Variants in SPARC observed in about 807,000 individuals in gnomAD.
SPARC encodes basement-membrane protein 40.
A neutral mutation model predicts 37.7 loss-of-function variants in SPARC; 23 were observed. The ratio of observed to expected loss-of-function variants is 0.61; its 90% CI spans 0.44 to 0.87. SPARC has a LOEUF of 0.87. Ranked by LOEUF, SPARC falls within the 40% of genes least tolerant of loss-of-function variation. The probability of loss-of-function intolerance (pLI) is 0.00; values close to 1 mark genes in which losing one functional copy is unlikely to be tolerated. For synonymous variants in SPARC, 155 were observed against 150.8 expected (o/e 1.03, Z -0.20); for missense variants, 312 against 389.0 (o/e 0.80, Z 1.66).
At chr5:151,672,928 A>C in intron 4 of SPARC, 1 of 577,536 alleles carries the variant, frequency 1.7e-6, no homozygotes, top group South Asian at 2.0e-5. Context: ...GATGGCCTGG[A>C]AACCGATCTT....
chr5:151,664,887 C>T (rs1300433449), intron 8 of SPARC, among the ~76,000 whole-genome samples: 1 of 152,120 alleles, frequency 6.6e-6, no homozygotes, highest in African/African-American at 2.4e-5. Context: ...CCCTATTCTC[C>T]CTGCTGGCCT....
chr5:151,685,392 CCTCTCT>C (rs5872225), intron 1 of SPARC, among the ~76,000 whole-genome samples: 5 of 141,178 alleles, frequency 3.5e-5, no homozygotes, highest in Non-Finnish European at 7.6e-5. Context: ...CCATATTCAT[CCTCTCT>C]CTCTCTCTCT....
chr5:151,666,802 A>G (rs1179115985), intron 7 of SPARC, among the ~76,000 whole-genome samples: 1 of 152,242 alleles, frequency 6.6e-6, no homozygotes, highest in Non-Finnish European at 1.5e-5. Context: ...AGGCAGGCAG[A>G]TCACCTGAGG....
chr5:151,672,954 G>T, intron 4 of SPARC, 175 bp downstream of exon 4: 1 of 619,142 alleles, frequency 1.6e-6, no homozygotes, highest in Non-Finnish European at 2.9e-6. Flanking sequence ...GATCCCAGGG[G>T]ACTGAGTGCC....
chr5:151,676,249 T>G, intron 1 of SPARC, 48 bp from the exon 2 acceptor site: 1 of 1,330,652 alleles, frequency 7.5e-7, no homozygotes, highest in Non-Finnish European at 1.1e-6. Context: ...GACTTCCTTA[T>G]GGAGATTTCC....
intron 9 of SPARC, 35 bp from the exon 10 acceptor site, chr5:151,663,634 G>C: frequency 6.2e-7 from 1 of 1,612,214 alleles, no homozygotes; most frequent in Admixed American, 1.7e-5. Context: ...TTAAAAATAA[G>C]GCTGTGTCGA....
chr5:151,665,097 T>A (rs1362784751), intron 8 of SPARC, among the ~76,000 whole-genome samples: 1 of 152,118 alleles, frequency 6.6e-6, no homozygotes, highest in Non-Finnish European at 1.5e-5. Context: ...CTCCCCTTCA[T>A]TGTACTGGTG....
chr5:151,665,214 C>G (rs1208735226), intron 8 of SPARC, among the ~76,000 whole-genome samples: 1 of 152,200 alleles, frequency 6.6e-6, no homozygotes, highest in African/African-American at 2.4e-5. Flanking sequence ...ACCCCTTTCC[C>G]AGATGTGCTG....
Position 151,676,017 on chromosome 5 carries a change from T to G in SPARC, c.57+115A>C. ...TAACTTAAGAAAAAAAAAAGACCAC[T>G]AACTTGAAATGGGGAAGTCCCTGTT... On this transcript the variant is annotated intron_variant, in intron 2 of 9. Coordinates refer to ENST00000231061, the MANE Select transcript of SPARC (RefSeq NM_003118.4). The G allele has an allele frequency of 5.2e-6, 4 of 776,152 alleles. No individual in the cohort carries two copies. In the South Asian group the frequency reaches 5.3e-5, roughly 10 times the overall value. 48.1% of individuals were successfully genotyped at this position (776,152 alleles called of 1,614,324 possible). A position where few individuals can be genotyped will look rare whatever the true frequency, so the allele number is the denominator to read the frequency against.
intron 1 of SPARC, among the ~76,000 whole-genome samples, chr5:151,678,777 G>C (rs906360054): frequency 2.6e-5 from 4 of 152,174 alleles, no homozygotes; most frequent in Non-Finnish European, 4.4e-5. Flanking sequence ...CACCTTAAAA[G>C]TTTTGGAAGA....
chr5:151,685,422 T>TCTCTCACACA (rs1216324359), intron 1 of SPARC, among the ~76,000 whole-genome samples: 2 of 140,432 alleles, frequency 1.4e-5, no homozygotes, highest in African/African-American at 5.4e-5. Flanking sequence ...CCTCTCTCTC[T>TCTCTCACACA]CACACACACA....
At position 151,667,606 on chromosome 5, in the gene SPARC, T is replaced by C; in HGVS notation, c.452-6A>G. On this transcript the variant is annotated splice_polypyrimidine_tract_variant and splice_region_variant and intron_variant, in intron 6 of 9. Coordinates refer to ENST00000231061, the MANE Select transcript of SPARC (RefSeq NM_003118.4). Reference sequence around the variant, plus strand: ...GTCCAGGCAAGGGGGGATGTCTAGGTTCCAAACACAAGGGCGGTCAGCACA... The same window carrying C: ...GTCCAGGCAAGGGGGGATGTCTAGGCTCCAAACACAAGGGCGGTCAGCACA... 6.2e-7 allele frequency: 1 copy of C among 1,613,778 alleles called. No homozygotes were observed. The highest frequency in any genetic ancestry group is 8.5e-7 in the Non-Finnish European group (1 of 1,179,900).
intron 1 of SPARC, among the ~76,000 whole-genome samples, chr5:151,684,222 C>T (rs921060901): frequency 1.5e-4 from 23 of 152,032 alleles, no homozygotes; most frequent in Non-Finnish European, 2.8e-4. Context: ...TGCAGTAAGG[C>T]GGTGTTAAAA....
At chr5:151,670,156 G>C (rs1217332207) in intron 5 of SPARC, among the ~76,000 whole-genome samples, 1 of 152,234 alleles carries the variant, frequency 6.6e-6, no homozygotes, top group African/African-American at 2.4e-5. Context: ...CTTAGAAAAG[G>C]CCTGCTTGTA....
At chr5:151,665,034 C>T (rs1760591774) in intron 8 of SPARC, among the ~76,000 whole-genome samples, 1 of 152,202 alleles carries the variant, frequency 6.6e-6, no homozygotes, top group Non-Finnish European at 1.5e-5. Context: ...CTCGCAGCCC[C>T]ACCCAGCTCA....
At chr5:151,680,254 T>A (rs1461369024) in intron 1 of SPARC, among the ~76,000 whole-genome samples, 6 of 107,102 alleles carry the variant, frequency 5.6e-5, no homozygotes, top group Admixed American at 3.5e-4. Flanking sequence ...TGAGACACGG[T>A]CTCCCTCTGT....
At chr5:151,663,704 A>T (rs1040153127) in intron 9 of SPARC, 105 bp from the exon 10 acceptor site, 1 of 1,140,742 alleles carries the variant, frequency 8.8e-7, no homozygotes, top group African/African-American at 1.5e-5. Flanking sequence ...GCAGGGGTCT[A>T]GGTGGCCATG....
rs574793836 is a variant in SPARC, at chr5:151,663,466, C to T, written c.*105G>A. On this transcript the variant is annotated 3_prime_UTR_variant, in exon 10 of 10. Coordinates refer to ENST00000231061, the MANE Select transcript of SPARC (RefSeq NM_003118.4). ...GTATTCACTTAAATCTATGTTAGCA[C>T]CTTGTCTCCAGGCAGAACAACAAAC... is the stretch of plus-strand genomic sequence containing the variant. 41 of 1,115,162 alleles carry T rather than the reference C, an allele frequency of 3.7e-5. No homozygotes were observed. Among genetic ancestry groups the T allele is most frequent in the Non-Finnish European group, 5.0e-5 (37 of 736,254 alleles). 69.1% of individuals were successfully genotyped at this position (1,115,162 alleles called of 1,614,324 possible). A position where few individuals can be genotyped will look rare whatever the true frequency, so the allele number is the denominator to read the frequency against.
At chr5:151,666,771 TC>T (rs1235676975) in intron 7 of SPARC, among the ~76,000 whole-genome samples, 1 of 152,232 alleles carries the variant, frequency 6.6e-6, no homozygotes, top group Non-Finnish European at 1.5e-5. Flanking sequence ...ACACCTGTAA[TC>T]CCAGCGCTTT....
Sources: gnomAD v4.1 joint callset for allele counts (sites outside exome capture counted in the v4.1 genomes callset) on GRCh38, gnomAD v4.1.1 for gene constraint, MANE v1.5 for transcripts, NCBI Gene and HGNC (gene_info 2026-07-23, HGNC 2026-07-21) for gene names.